GRIA1: variants seen among roughly 807,000 people sequenced by gnomAD.
GRIA1 encodes glutamate ionotropic receptor AMPA type subunit 1.
In GRIA1, 31 loss-of-function variants were observed where a neutral mutation model predicts 99.2. The observed-to-expected ratio is 0.31, with a 90% CI of 0.23 to 0.42. GRIA1 has a LOEUF of 0.42. GRIA1 is among the 10% of genes least tolerant of loss of function. The probability of loss-of-function intolerance (pLI) is 1.00; values close to 1 mark genes in which losing one functional copy is unlikely to be tolerated. For missense variants in GRIA1, 782 were observed against 1,157.5 expected (o/e 0.68, Z 4.71); for synonymous variants, 438 against 432.4 (o/e 1.01, Z -0.16).
intron 13 of GRIA1, among the ~76,000 whole-genome samples, chr5:153,779,950 G>A (rs1203942514): frequency 1.3e-5 from 2 of 152,160 alleles, no homozygotes; most frequent in African/African-American, 4.8e-5. Context: ...GTGAAAGCGA[G>A]GTGGCAGGGA....
intron 2 of GRIA1, among the ~76,000 whole-genome samples, chr5:153,626,407 G>A (rs1767609495): frequency 6.6e-6 from 1 of 151,158 alleles, no homozygotes; most frequent in Non-Finnish European, 1.5e-5. Flanking sequence ...CTCTCTCTAT[G>A]TGGAGAATGA....
rs146668744 is a variant in GRIA1 at position 153,721,199 on chromosome 5, G to A, written c.1823+15132G>A. 5.7e-4 allele frequency among the ~76,000 whole-genome samples: 87 copies of A among 152,268 alleles called. 1 individual carries two copies. In the Middle Eastern group the frequency reaches 0.021, roughly 36 times the overall value. ...TTACACACAGCAGATTCATATTCAT[G>A]GTGATGCTTGTTTTTATTTAACTTC... On this transcript the variant is annotated intron_variant, in intron 11 of 15. Transcript: ENST00000285900.
At chr5:153,706,200 C>A in intron 11 of GRIA1, 133 bp downstream of exon 11, 1 of 878,896 alleles carries the variant, frequency 1.1e-6, no homozygotes, top group South Asian at 1.7e-5. Flanking sequence ...TTCAACTATT[C>A]TTTACAATCA....
intron 2 of GRIA1, among the ~76,000 whole-genome samples, chr5:153,584,019 G>A (rs894752528): frequency 2.0e-5 from 3 of 152,150 alleles, no homozygotes; most frequent in African/African-American, 7.2e-5. Flanking sequence ...CTGCCCCAAG[G>A]GGCTACTTAC....
intron 11 of GRIA1, among the ~76,000 whole-genome samples, chr5:153,747,010 A>G (rs894739122): frequency 6.6e-6 from 1 of 152,206 alleles, no homozygotes; most frequent in Non-Finnish European, 1.5e-5. Context: ...GTGACCTTAA[A>G]TAAATTATTT....
chr5:153,717,476 C>T (rs1216546600), intron 11 of GRIA1, among the ~76,000 whole-genome samples: 1 of 151,962 alleles, frequency 6.6e-6, no homozygotes, highest in Non-Finnish European at 1.5e-5. Context: ...TACCATAGCT[C>T]AGCAAGGTGG....
intron 11 of GRIA1, among the ~76,000 whole-genome samples, chr5:153,719,442 C>T (rs1392196633): frequency 1.3e-5 from 2 of 151,944 alleles, no homozygotes; most frequent in African/African-American, 4.8e-5. Flanking sequence ...CTGTGGATAA[C>T]TTGACAGCTG....
chr5:153,798,278 G>T (rs1266613610), intron 14 of GRIA1, among the ~76,000 whole-genome samples: 1 of 152,114 alleles, frequency 6.6e-6, no homozygotes, highest in Non-Finnish European at 1.5e-5. Context: ...TCACTCCCAG[G>T]AAGTAGTCAA....
rs1762587626 is a variant in GRIA1 at position 153,752,858 on chromosome 5, G to T, written c.1824-11576G>T. Among the ~76,000 whole-genome samples, 4 of 152,118 alleles carry T rather than the reference G, an allele frequency of 2.6e-5. No homozygotes were observed. The South Asian group carries it at 8.3e-4, about 32-fold the overall frequency. On this transcript the variant is annotated intron_variant, in intron 11 of 15. Coordinates refer to ENST00000285900, the MANE Select transcript of GRIA1 (RefSeq NM_000827.4). Reference sequence around the variant, plus strand: ...TTAAGACACAGAGATTATCTAGGTGGGTCTGGCCCAATCAGGTGAACTCTT... The same window carrying T: ...TTAAGACACAGAGATTATCTAGGTGTGTCTGGCCCAATCAGGTGAACTCTT...
intron 14 of GRIA1, 105 bp from the exon 15 acceptor site, chr5:153,802,251 G>A (rs1766089046): frequency 1.5e-5 from 13 of 877,460 alleles, no homozygotes; most frequent in Middle Eastern, 3.4e-4. Context: ...AGAGGGTGTG[G>A]GGTTGTGTGT....
intron 7 of GRIA1, among the ~76,000 whole-genome samples, chr5:153,683,149 A>G (rs1757105649): frequency 6.6e-6 from 1 of 152,158 alleles, no homozygotes; most frequent in Non-Finnish European, 1.5e-5. Context: ...GACCTGATGG[A>G]TGGGGACAGT....
chr5:153,791,142 AAAG>A (rs59305321), intron 13 of GRIA1, among the ~76,000 whole-genome samples: 45,108 of 151,200 alleles, frequency 0.3, 8,944 homozygotes, highest in East Asian at 0.91. Flanking sequence ...CCTTAAAAAA[AAAG>A]AAGAAGAAGA....
intron 14 of GRIA1, among the ~76,000 whole-genome samples, chr5:153,801,132 C>A (rs1765995330): frequency 6.6e-6 from 1 of 152,270 alleles, no homozygotes; most frequent in Non-Finnish European, 1.5e-5. Context: ...TTTGACTGAG[C>A]AACTTGCTGC....
chr5:153,770,472 T>G (rs1763803329), intron 13 of GRIA1, 57 bp downstream of exon 13: 5 of 1,534,478 alleles, frequency 3.3e-6, no homozygotes, highest in Non-Finnish European at 4.5e-6. Context: ...ATCTCAGGAA[T>G]GAAGCTTCTG....
At chr5:153,535,046 T>C (rs564710368) in intron 2 of GRIA1, among the ~76,000 whole-genome samples, 1 of 152,242 alleles carries the variant, frequency 6.6e-6, no homozygotes, top group African/African-American at 2.4e-5. Context: ...CACAGCCTCC[T>C]GAGTAGCTCG....
intron 11 of GRIA1, among the ~76,000 whole-genome samples, chr5:153,718,287 A>G (rs1226245374): frequency 6.6e-6 from 1 of 152,246 alleles, no homozygotes; most frequent in African/African-American, 2.4e-5. Flanking sequence ...GGTAAAGAAG[A>G]GAGAAAGATC....
At chr5:153,535,150 G>C (rs1758449909) in intron 2 of GRIA1, among the ~76,000 whole-genome samples, 1 of 152,102 alleles carries the variant, frequency 6.6e-6, no homozygotes, top group Non-Finnish European at 1.5e-5. Flanking sequence ...TTGAACTCCT[G>C]ACCTCAAGCG....
intron 2 of GRIA1, among the ~76,000 whole-genome samples, chr5:153,565,224 A>G (rs1761509222): frequency 6.6e-6 from 1 of 152,176 alleles, no homozygotes; most frequent in African/African-American, 2.4e-5. Flanking sequence ...ATCGTATAAG[A>G]AAGTCTTTTG....
Position 153,607,513 on chromosome 5 carries a change from A to G in GRIA1, c.221-39415A>G, listed in dbSNP as rs2112737. On this transcript the variant is annotated intron_variant, in intron 2 of 15. Transcript: ENST00000285900. The stretch of plus-strand genomic sequence containing the variant: ...TAAAGATAGACTTAACCACATCACT[A>G]TTTTCTTGGCTTGTTTCAGATTTAC... Among the ~76,000 whole-genome samples, 349 of 151,332 alleles carry G rather than the reference A, an allele frequency of 2.3e-3. 4 individuals are homozygous for G. The highest frequency in any genetic ancestry group is 8.3e-3 in the African/African-American group (342 of 41,248).
Sources: gnomAD v4.1 joint callset for allele counts (sites outside exome capture counted in the v4.1 genomes callset) on GRCh38, gnomAD v4.1.1 for gene constraint, MANE v1.5 for transcripts, NCBI Gene and HGNC (gene_info 2026-07-23, HGNC 2026-07-21) for gene names.